Variants in CEP41 observed in about 807,000 individuals in gnomAD.
CEP41 encodes centrosomal protein of 41 kDa.
CEP41 carries 32 observed loss-of-function variants against 44.3 expected under a neutral mutation model. The observed-to-expected ratio is 0.72, with a 90% CI of 0.54 to 0.97. The LOEUF (loss-of-function observed/expected upper bound fraction) is 0.97, where lower values mean the gene tolerates loss of function less well. CEP41 is among the 50% of genes least tolerant of loss of function. CEP41 has a pLI of 0.00. For synonymous variants in CEP41, 151 were observed against 168.5 expected, an observed-to-expected ratio of 0.90 and a Z score of 0.80; for missense variants, 432 against 455.2, an observed-to-expected ratio of 0.95 and a Z score of 0.46.
Position 130,396,098 on chromosome 7 carries a change from CT to C in CEP41, c.*2792del, listed in dbSNP as rs1360949783. On this transcript the variant is annotated 3_prime_UTR_variant, in exon 11 of 11. Coordinates refer to ENST00000223208, the MANE Select transcript of CEP41 (RefSeq NM_018718.3). ...TCCTTGCTTCTTTCTCCCTTCCTTT[CT>C]TTTTTTCTTTTCTCCCTTCCTTAAA... 2.2e-6 allele frequency: 1 copy of C among 453,958 alleles called. No homozygotes were observed. The highest frequency in any genetic ancestry group is 4.4e-6 in the Non-Finnish European group (1 of 226,762). The allele number at this position is 453,958 out of a possible 1,614,324, so 28.1% of individuals were successfully genotyped here.
In CEP41 at chr7:130,427,939, T is replaced by C. The variant is rs1797712815; in HGVS notation, c.97+16A>G. ...ATTAGATTTTTTTTAATTCTAATTT[T>C]CTAATCTTTACTCACCAGTGTCCAG... On this transcript the variant is annotated intron_variant, in intron 2 of 10. Coordinates refer to ENST00000223208, the MANE Select transcript of CEP41 (RefSeq NM_018718.3). 1 of 1,564,280 alleles carries C rather than the reference T, an allele frequency of 6.4e-7. No homozygotes were observed. Among genetic ancestry groups the C allele is most frequent in the Admixed American group, 1.7e-5 (1 of 59,922 alleles).
rs566728781 is a variant in CEP41, at chr7:130,425,489, C to G, written c.97+2466G>C. On this transcript the variant is annotated intron_variant, in intron 2 of 10. Transcript: ENST00000223208. ...GCTATCAGAATGGCCAAAATAAAAGCTGGTGACAACACCAAATGCTGACAA... is the reference window on the plus strand; with the variant it reads ...GCTATCAGAATGGCCAAAATAAAAGGTGGTGACAACACCAAATGCTGACAA... 2.0e-5 allele frequency among the ~76,000 whole-genome samples: 3 copies of G among 152,260 alleles called. No homozygotes were observed. In the South Asian group the frequency reaches 6.2e-4, roughly 32 times the overall value.
chr7:130,431,493 G>A (rs62471759), intron 1 of CEP41, among the ~76,000 whole-genome samples: 23,304 of 152,088 alleles, frequency 0.15, 1,803 homozygotes, highest in South Asian at 0.19. Flanking sequence ...ATAAACAGAC[G>A]CCAGGCTGCA....
At chr7:130,399,310 C>T in intron 10 of CEP41, 1 of 495,456 alleles carries the variant, frequency 2.0e-6, no homozygotes, top group Non-Finnish European at 3.7e-6. Flanking sequence ...CTGTCCTCCA[C>T]TACTTCCTTG....
Position 130,394,429 on chromosome 7 carries a change from T to G in CEP41, c.*4462A>C, listed in dbSNP as rs1183423172. 2.2e-6 allele frequency: 1 copy of G among 454,002 alleles called. No individual in the cohort carries two copies. The highest frequency in any genetic ancestry group is 4.4e-6 in the Non-Finnish European group (1 of 226,806). The allele number at this position is 454,002 out of a possible 1,614,324, so 28.1% of individuals were successfully genotyped here. A position where few individuals can be genotyped will look rare whatever the true frequency, so the allele number is the denominator to read the frequency against. ...CTCCACAAACATTGGCTAGTATTAT[T>G]ATTTTCTGGAAATCTTCAAGATTTG... On this transcript the variant is annotated 3_prime_UTR_variant, in exon 11 of 11. Coordinates refer to ENST00000223208, the MANE Select transcript of CEP41 (RefSeq NM_018718.3).
At chr7:130,436,465 T>G (rs1797966873) in intron 1 of CEP41, among the ~76,000 whole-genome samples, 1 of 152,196 alleles carries the variant, frequency 6.6e-6, no homozygotes, top group Non-Finnish European at 1.5e-5. Context: ...GTTCTTTATC[T>G]TGATTGCAAA....
chr7:130,406,336 C>T (rs1797007410), intron 5 of CEP41, among the ~76,000 whole-genome samples: 1 of 152,270 alleles, frequency 6.6e-6, no homozygotes, highest in African/African-American at 2.4e-5. Context: ...GTAATCCCAG[C>T]ACTTTGGGAG....
rs375286577 is a variant in CEP41, at chr7:130,440,710, G to A, written c.33+224C>T. The A allele has an allele frequency of 1.9e-4, 117 of 615,364 alleles. 1 individual carries two copies. The highest frequency in any genetic ancestry group is 1.8e-3 in the East Asian group (67 of 36,666). 38.1% of individuals were successfully genotyped at this position (615,364 alleles called of 1,614,324 possible). On this transcript the variant is annotated intron_variant, in intron 1 of 10. Coordinates refer to ENST00000223208, the MANE Select transcript of CEP41 (RefSeq NM_018718.3). ...TTCGCTCCTCGCAGTCACAAGTACT[G>A]GCGTGCGTACGCGGGGAGAGATCGC...
chr7:130,395,778 G>A lies in CEP41; in HGVS notation c.*3113C>T, dbSNP rs1796639561. On this transcript the variant is annotated 3_prime_UTR_variant, in exon 11 of 11. Transcript: ENST00000223208. ...TTGTATAATTTAAATAGCACCACAG[G>A]AAAAATCCCTGAGCAACTAATGAAT... 1 of 452,930 alleles carries A rather than the reference G, an allele frequency of 2.2e-6. No homozygotes were observed. The highest frequency in any genetic ancestry group is 2.0e-5 in the African/African-American group (1 of 49,682). The allele number at this position is 452,930 out of a possible 1,614,324, so 28.1% of individuals were successfully genotyped here. A position where few individuals can be genotyped will look rare whatever the true frequency, so the allele number is the denominator to read the frequency against.
intron 3 of CEP41, among the ~76,000 whole-genome samples, chr7:130,414,706 G>A (rs145015178): frequency 1.2e-3 from 178 of 152,316 alleles, no homozygotes; most frequent in African/African-American, 4.0e-3. Flanking sequence ...AAGGACAGCC[G>A]TCAGTAGGAC....
Position 130,395,960 on chromosome 7 carries a change from G to C in CEP41, c.*2931C>G. 2.2e-6 allele frequency: 1 copy of C among 453,310 alleles called. No individual in the cohort carries two copies. The highest frequency in any genetic ancestry group is 1.6e-5 in the South Asian group (1 of 64,194). The allele number at this position is 453,310 out of a possible 1,614,324, so 28.1% of individuals were successfully genotyped here. On this transcript the variant is annotated 3_prime_UTR_variant, in exon 11 of 11. Transcript: ENST00000223208. Reference sequence around the variant, plus strand: ...CATACTTTTTCAAGAGATTGAGCCTGACATTATTACAGCCCAGGGTGTTCC... The same window carrying C: ...CATACTTTTTCAAGAGATTGAGCCTCACATTATTACAGCCCAGGGTGTTCC...
At chr7:130,425,616 G>C (rs900182395) in intron 2 of CEP41, among the ~76,000 whole-genome samples, 1 of 152,164 alleles carries the variant, frequency 6.6e-6, no homozygotes, top group Non-Finnish European at 1.5e-5. Context: ...AACTACATGG[G>C]CAACTACATT....
At chr7:130,428,328 G>C (rs1420573596) in intron 1 of CEP41, among the ~76,000 whole-genome samples, 1 of 149,506 alleles carries the variant, frequency 6.7e-6, no homozygotes, top group African/African-American at 2.5e-5. Flanking sequence ...GGAGGCCGAG[G>C]CAGGAGAATC....
At chr7:130,412,786 A>C (rs1422110829) in intron 3 of CEP41, among the ~76,000 whole-genome samples, 1 of 152,202 alleles carries the variant, frequency 6.6e-6, no homozygotes, top group Admixed American at 6.5e-5. Flanking sequence ...TTCTAAGTGT[A>C]TGCTGGGCAC....
At chr7:130,437,316 T>C (rs1554426343) in intron 1 of CEP41, among the ~76,000 whole-genome samples, 1 of 151,526 alleles carries the variant, frequency 6.6e-6, no homozygotes, top group East Asian at 1.9e-4. Context: ...TTCTGGTGCC[T>C]ATCAAAATGA....
chr7:130,413,669 C>T (rs1230968598), intron 3 of CEP41, among the ~76,000 whole-genome samples: 17 of 152,052 alleles, frequency 1.1e-4, no homozygotes, highest in Non-Finnish European at 4.4e-5. Context: ...ATAGGTACTT[C>T]TGCACTTGTG....
At chr7:130,420,846 G>GA in intron 2 of CEP41, 1 of 851,006 alleles carries the variant, frequency 1.2e-6, no homozygotes, top group Non-Finnish European at 1.4e-6. Context: ...TCTACTAACT[G>GA]AAAAATCCTT....
chr7:130,404,482 G>GAAA, intron 6 of CEP41, 82 bp downstream of exon 6: 1 of 1,065,604 alleles, frequency 9.4e-7, no homozygotes. Flanking sequence ...TCTAAGGCAA[G>GAAA]AAAAAAAAAA....
At chr7:130,426,432 C>G (rs1554423471) in intron 2 of CEP41, among the ~76,000 whole-genome samples, 1 of 139,738 alleles carries the variant, frequency 7.2e-6, no homozygotes, top group Non-Finnish European at 1.6e-5. Flanking sequence ...GTTTAATTTC[C>G]AGGAGGAAAG....
Sources: gnomAD v4.1 joint callset for allele counts (sites outside exome capture counted in the v4.1 genomes callset) on GRCh38, gnomAD v4.1.1 for gene constraint, MANE v1.5 for transcripts, NCBI Gene and HGNC (gene_info 2026-07-23, HGNC 2026-07-21) for gene names.